Variants in CEP78 observed in about 807,000 individuals in gnomAD.
CEP78 encodes the protein centrosomal protein of 78 kDa.
In CEP78, 76 loss-of-function variants were observed where a neutral mutation model predicts 81.2. The ratio of observed to expected loss-of-function variants is 0.94; its 90% CI spans 0.78 to 1.13. The LOEUF (loss-of-function observed/expected upper bound fraction) is 1.13, where lower values mean the gene tolerates loss of function less well. Ranked by LOEUF, CEP78 falls within the 50% of genes most tolerant of loss-of-function variation. CEP78 has a pLI of 0.00. For synonymous variants in CEP78, 293 were observed against 301.4 expected (o/e 0.97, Z 0.29); for missense variants, 918 against 846.8 (o/e 1.08, Z -1.04).
In CEP78 at chr9:78,243,612, C is replaced by G; in HGVS notation, c.754C>G (p.Leu252Val). The G allele has an allele frequency of 6.2e-7, 1 of 1,613,382 alleles. No individual in the cohort carries two copies. Among genetic ancestry groups the G allele is most frequent in the South Asian group, 1.1e-5 (1 of 90,964 alleles). ...AGGTGCATGTGCTTTTGCAGACTCT[C>G]TCAGTGAGGATTTATGGCTGAGAGG... ...DLGACAFADS[L>V]SEDLWLRALD... The change falls in exon 5 of 17, where the codon CTC becomes GTC. Residue 252 changes from leucine (L) to valine (V), a missense_variant. By Grantham distance (32) the Leu-to-Val change is conservative (BLOSUM62 1). Transcript: ENST00000643273.
rs114586813 is a variant in CEP78 at position 78,261,775 on chromosome 9, T to C, written c.1381-1132T>C. Among the ~76,000 whole-genome samples, 848 of 152,320 alleles carry C rather than the reference T, an allele frequency of 5.6e-3. 5 individuals carry two copies. The highest frequency in any genetic ancestry group is 0.02 in the African/African-American group (819 of 41,588). ...ACAGTTCTAAATATTAAAACCATTATATAAATAATAAGTAGAGGAATTTTG... is the reference window on the plus strand; with the variant it reads ...ACAGTTCTAAATATTAAAACCATTACATAAATAATAAGTAGAGGAATTTTG... On this transcript the variant is annotated intron_variant, in intron 11 of 16. Transcript: ENST00000643273.
At chr9:78,245,774 A>G (rs537957235) in intron 5 of CEP78, among the ~76,000 whole-genome samples, 1 of 152,210 alleles carries the variant, frequency 6.6e-6, no homozygotes, top group African/African-American at 2.4e-5. Flanking sequence ...TTATTTTTTC[A>G]TGATAGGTTT....
chr9:78,243,408 T>C (rs1826320850), intron 4 of CEP78, 54 bp from the exon 5 acceptor site: 6 of 1,469,298 alleles, frequency 4.1e-6, no homozygotes, highest in Non-Finnish European at 9.4e-7. Context: ...TTCCTTTTAG[T>C]GTTCCTATCT....
intron 9 of CEP78, 97 bp from the exon 10 acceptor site, chr9:78,253,135 T>C: frequency 2.9e-6 from 2 of 695,986 alleles, no homozygotes; most frequent in African/African-American, 1.8e-5. Flanking sequence ...CAGTTATGTA[T>C]GGATAGTATA....
Position 78,252,049 on chromosome 9 carries a change from G to T in CEP78, c.1205+6G>T, listed in dbSNP as rs945546954. 3.2e-6 allele frequency: 5 copies of T among 1,572,512 alleles called. No homozygotes were observed. Among genetic ancestry groups the T allele is most frequent in the African/African-American group, 1.3e-5 (1 of 74,382 alleles). ...GAACGTGCAAAAAGACACAGGTAGG[G>T]TATTTTTATTTCCTATCTTTTAGGA... On this transcript the variant is annotated splice_donor_region_variant and intron_variant, in intron 9 of 16. Coordinates refer to ENST00000643273, the MANE Select transcript of CEP78 (RefSeq NM_001330691.3).
chr9:78,264,556 T>A (rs1452738441), intron 13 of CEP78, among the ~76,000 whole-genome samples: 1 of 150,132 alleles, frequency 6.7e-6, no homozygotes, highest in Non-Finnish European at 1.5e-5. Context: ...GCACCTGTAA[T>A]CCCAGCTACT....
In CEP78 at chr9:78,271,735, A is replaced by G. The variant is rs907594116; in HGVS notation, c.*884A>G. ...TTTTTTTTGAGTCAAGGTCTCACTC[A>G]TGTCACCCAGGCTGGGGTGTAGTGA... On this transcript the variant is annotated 3_prime_UTR_variant, in exon 17 of 17. Transcript: ENST00000643273. 2.7e-5 allele frequency: 4 copies of G among 150,904 alleles called. No homozygotes were observed. The highest frequency in any genetic ancestry group is 6.6e-5 in the Admixed American group (1 of 15,136). The allele number at this position is 150,904 out of a possible 1,614,324, so 9.3% of individuals were successfully genotyped here.
intron 16 of CEP78, among the ~76,000 whole-genome samples, chr9:78,267,649 G>A (rs1564000866): frequency 6.6e-6 from 1 of 152,256 alleles, no homozygotes; most frequent in East Asian, 1.9e-4. Context: ...GAGCTATCCT[G>A]TTTCACTGTT....
At chr9:78,259,058 G>C (rs1468068592) in intron 11 of CEP78, among the ~76,000 whole-genome samples, 3 of 152,202 alleles carry the variant, frequency 2.0e-5, no homozygotes, top group African/African-American at 7.2e-5. Context: ...ATTTGTAATA[G>C]TCCAACCTGA....
intron 8 of CEP78, chr9:78,249,403 A>G (rs1338867134): frequency 6.6e-6 from 1 of 152,136 alleles, no homozygotes; most frequent in East Asian, 1.9e-4. Flanking sequence ...TAATCCTTAT[A>G]AAACAATACT....
intron 14 of CEP78, 61 bp downstream of exon 14, chr9:78,265,604 A>G: frequency 2.1e-6 from 3 of 1,421,584 alleles, no homozygotes; most frequent in Non-Finnish European, 2.9e-6. Context: ...GGGAATTACT[A>G]AGTCAGAGAG....
At chr9:78,259,767 G>A (rs776950663) in intron 11 of CEP78, among the ~76,000 whole-genome samples, 16 of 152,122 alleles carry the variant, frequency 1.1e-4, no homozygotes, top group Non-Finnish European at 8.8e-5. Flanking sequence ...ACAGCTGATG[G>A]GTAGGGCCAG....
Position 78,265,917 on chromosome 9 carries a change from T to C in CEP78, c.1845+11T>C, listed in dbSNP as rs764474111. 3.9e-6 allele frequency: 5 copies of C among 1,279,744 alleles called. No homozygotes were observed. In the South Asian group the frequency reaches 6.4e-5, roughly 16 times the overall value. 79.3% of individuals were successfully genotyped at this position (1,279,744 alleles called of 1,614,324 possible). A position where few individuals can be genotyped will look rare whatever the true frequency, so the allele number is the denominator to read the frequency against. ...GGAACACTAATGAAGGTACAAGTAC[T>C]GATATAGATAATTTTTCAGAATAAG... On this transcript the variant is annotated intron_variant, in intron 15 of 16. Transcript: ENST00000643273.
intron 5 of CEP78, among the ~76,000 whole-genome samples, chr9:78,245,608 C>G (rs930196501): frequency 6.6e-6 from 1 of 152,136 alleles, no homozygotes; most frequent in African/African-American, 2.4e-5. Context: ...ATGGTATACA[C>G]GTGCTTTTGC....
At position 78,272,536 on chromosome 9, in the gene CEP78, A is replaced by G. The variant is rs1018444700; in HGVS notation, c.*1685A>G. On this transcript the variant is annotated 3_prime_UTR_variant, in exon 17 of 17. Transcript: ENST00000643273. Reference sequence around the variant, plus strand: ...CATGAATGGAGGCATGGCAGGACACAGAAAGTGAAAGCTTGTCCTAGATAT... The same window carrying G: ...CATGAATGGAGGCATGGCAGGACACGGAAAGTGAAAGCTTGTCCTAGATAT... The G allele has an allele frequency of 2.0e-5, 3 of 152,062 alleles. No homozygotes were observed. Among genetic ancestry groups the G allele is most frequent in the Admixed American group, 6.5e-5 (1 of 15,282 alleles). The allele number at this position is 152,062 out of a possible 1,614,324, so 9.4% of individuals were successfully genotyped here. A position where few individuals can be genotyped will look rare whatever the true frequency, so the allele number is the denominator to read the frequency against.
intron 11 of CEP78, among the ~76,000 whole-genome samples, chr9:78,257,855 A>G (rs1215381783): frequency 6.6e-6 from 1 of 152,344 alleles, no homozygotes; most frequent in African/African-American, 2.4e-5. Flanking sequence ...CACTAACATC[A>G]AGACAAGGGT....
chr9:78,240,470 A>AT, intron 3 of CEP78, 106 bp downstream of exon 3: 1 of 929,572 alleles, frequency 1.1e-6, no homozygotes, highest in Admixed American at 2.1e-5. Flanking sequence ...ACTGCCTCAT[A>AT]TGCTTGTTCA....
chr9:78,250,371 G>A (rs964034104), intron 8 of CEP78: 9 of 396,716 alleles, frequency 2.3e-5, no homozygotes, highest in Middle Eastern at 6.3e-4. Context: ...AATTACGTGT[G>A]CAGACAGAAG....
intron 5 of CEP78, among the ~76,000 whole-genome samples, chr9:78,244,289 A>G (rs1325451403): frequency 1.3e-5 from 2 of 151,840 alleles, no homozygotes; most frequent in Non-Finnish European, 2.9e-5. Flanking sequence ...GGTGCACACC[A>G]CCATGCCAGG....
Sources: allele counts gnomAD v4.1 joint callset (sites outside exome capture counted in the v4.1 genomes callset), GRCh38; gene constraint gnomAD v4.1.1; transcripts MANE v1.5; gene names NCBI Gene and HGNC (gene_info 2026-07-23, HGNC 2026-07-21).